Variants in CACNA2D1 observed in about 807,000 individuals in gnomAD.
The protein encoded by CACNA2D1 is voltage-dependent calcium channel subunit alpha-2/delta-1.
In CACNA2D1, 53 loss-of-function variants were observed where a neutral mutation model predicts 171.5. The ratio of observed to expected loss-of-function variants is 0.31; its 90% CI spans 0.25 to 0.39. The LOEUF is 0.39. CACNA2D1 is among the 10% of genes least tolerant of loss of function. The probability of loss-of-function intolerance (pLI) is 1.00; values close to 1 mark genes in which losing one functional copy is unlikely to be tolerated. For synonymous variants in CACNA2D1, 442 were observed against 443.1 expected (o/e 1.00, Z 0.03); for missense variants, 903 against 1,299.8 (o/e 0.69, Z 4.69).
chr7:82,297,717 G>A (rs1812474607), intron 3 of CACNA2D1, among the ~76,000 whole-genome samples: 2 of 152,076 alleles, frequency 1.3e-5, no homozygotes, highest in Non-Finnish European at 1.5e-5. Context: ...ACATTGGCCA[G>A]CTTATTCTAT....
chr7:82,183,775 T>C (rs139799424), intron 3 of CACNA2D1, among the ~76,000 whole-genome samples: 206 of 151,980 alleles, frequency 1.4e-3, no homozygotes, highest in African/African-American at 4.8e-3. Flanking sequence ...AATAGGTATG[T>C]ATGACTGTGG....
intron 3 of CACNA2D1, among the ~76,000 whole-genome samples, chr7:82,225,737 C>T (rs1802292069): frequency 6.6e-6 from 1 of 152,108 alleles, no homozygotes. Context: ...AGATGGCAGT[C>T]TTAAAGTTGC....
chr7:82,434,463 TATTA>T (rs1183431700), intron 1 of CACNA2D1, among the ~76,000 whole-genome samples: 1 of 152,140 alleles, frequency 6.6e-6, no homozygotes, highest in African/African-American at 2.4e-5. Context: ...CTTAATTAGT[TATTA>T]ATTAAGTACT....
intron 8 of CACNA2D1, among the ~76,000 whole-genome samples, chr7:82,065,767 T>C (rs1266853350): frequency 6.6e-6 from 1 of 152,198 alleles, no homozygotes; most frequent in Non-Finnish European, 1.5e-5. Flanking sequence ...CTCATGAATA[T>C]GTACTCAAAA....
chr7:81,952,695 C>T lies in CACNA2D1; in HGVS notation c.3160-2187G>A, dbSNP rs28377476. On this transcript the variant is annotated intron_variant, in intron 38 of 38. Coordinates refer to ENST00000356860, the MANE Select transcript of CACNA2D1 (RefSeq NM_000722.4). ...ATGCTCTCTAAAATGTTAGACTTTT[C>T]CAGGTGTTACTTCTCTCTCCTTTCT... Among the ~76,000 whole-genome samples, 1,354 of 152,156 alleles carry T rather than the reference C, an allele frequency of 8.9e-3. 21 individuals are homozygous for T. Among genetic ancestry groups the T allele is most frequent in the African/African-American group, 0.031 (1,306 of 41,518 alleles).
chr7:81,994,710 C>G (rs1797868039), intron 20 of CACNA2D1, among the ~76,000 whole-genome samples, 158 bp downstream of exon 20: 1 of 151,328 alleles, frequency 6.6e-6, no homozygotes. Flanking sequence ...TGAAAATATC[C>G]CTCCAGCTAA....
At chr7:82,381,652 T>G (rs948817608) in intron 1 of CACNA2D1, among the ~76,000 whole-genome samples, 1 of 152,076 alleles carries the variant, frequency 6.6e-6, no homozygotes, top group African/African-American at 2.4e-5. Context: ...TATTGAAAAT[T>G]TATGGCAGGG....
intron 1 of CACNA2D1, among the ~76,000 whole-genome samples, chr7:82,440,967 C>CAA (rs1337481107): frequency 2.2e-5 from 3 of 138,692 alleles, no homozygotes; most frequent in South Asian, 2.3e-4. Context: ...ATGAAACTGG[C>CAA]AAAAAAAAAA....
At chr7:82,428,156 G>C (rs189157155) in intron 1 of CACNA2D1, among the ~76,000 whole-genome samples, 100 of 151,336 alleles carry the variant, frequency 6.6e-4, no homozygotes, top group African/African-American at 2.3e-3. Flanking sequence ...CACCATATAT[G>C]ATCACTTTTT....
At chr7:82,070,754 G>T (rs781472785) in intron 7 of CACNA2D1, among the ~76,000 whole-genome samples, 1 of 152,108 alleles carries the variant, frequency 6.6e-6, no homozygotes, top group Non-Finnish European at 1.5e-5. Context: ...TTATTTAAAA[G>T]AAAATTTCCC....
chr7:82,330,289 CAA>C (rs1281603597), intron 3 of CACNA2D1, among the ~76,000 whole-genome samples: 1 of 151,956 alleles, frequency 6.6e-6, no homozygotes, highest in Admixed American at 6.6e-5. Context: ...ACTTTTTATT[CAA>C]AAATATTATA....
chr7:82,399,135 G>A (rs1826064313), intron 1 of CACNA2D1, among the ~76,000 whole-genome samples: 1 of 151,968 alleles, frequency 6.6e-6, no homozygotes, highest in African/African-American at 2.4e-5. Flanking sequence ...AGCACTAAAA[G>A]GAACTCTTGT....
intron 1 of CACNA2D1, among the ~76,000 whole-genome samples, chr7:82,395,213 A>G (rs902753813): frequency 3.9e-5 from 6 of 152,146 alleles, no homozygotes; most frequent in Non-Finnish European, 8.8e-5. Context: ...AAAAAACACA[A>G]AAAAACTCCA....
At chr7:82,358,040 G>T (rs1035189026) in intron 1 of CACNA2D1, among the ~76,000 whole-genome samples, 1 of 152,070 alleles carries the variant, frequency 6.6e-6, no homozygotes, top group Non-Finnish European at 1.5e-5. Context: ...ATGCCCTGTG[G>T]AGCTGGGGAA....
chr7:82,352,995 A>T (rs1442807855), intron 1 of CACNA2D1, among the ~76,000 whole-genome samples: 1 of 152,200 alleles, frequency 6.6e-6, no homozygotes, highest in African/African-American at 2.4e-5. Flanking sequence ...TAACGGAGAG[A>T]TATTAGAAAA....
At chr7:81,952,175 A>G (rs2129976821) in intron 38 of CACNA2D1, among the ~76,000 whole-genome samples, 1 of 151,720 alleles carries the variant, frequency 6.6e-6, no homozygotes, top group East Asian at 1.9e-4. Flanking sequence ...TTCTGATGGG[A>G]TTATTTGAAA....
intron 1 of CACNA2D1, among the ~76,000 whole-genome samples, chr7:82,398,716 T>G (rs1206251276): frequency 6.6e-6 from 1 of 152,080 alleles, no homozygotes; most frequent in East Asian, 1.9e-4. Context: ...TAGCTGGGAC[T>G]ACAGGCGTGC....
At chr7:82,347,436 T>C (rs1043489201) in intron 2 of CACNA2D1, among the ~76,000 whole-genome samples, 2 of 152,108 alleles carry the variant, frequency 1.3e-5, no homozygotes, top group Non-Finnish European at 2.9e-5. Flanking sequence ...CCAATAAAAA[T>C]GAATGTAATT....
At chr7:82,221,018 T>C (rs1801704680) in intron 3 of CACNA2D1, among the ~76,000 whole-genome samples, 1 of 152,132 alleles carries the variant, frequency 6.6e-6, no homozygotes, top group African/African-American at 2.4e-5. Context: ...TCGCATGATC[T>C]GCCCACCTTG....
Sources: allele counts gnomAD v4.1 joint callset (sites outside exome capture counted in the v4.1 genomes callset), GRCh38; gene constraint gnomAD v4.1.1; transcripts MANE v1.5; gene names NCBI Gene and HGNC (gene_info 2026-07-23, HGNC 2026-07-21).